CHODL: variants seen among roughly 807,000 people sequenced by gnomAD.
The protein encoded by CHODL is chondrolectin.
In CHODL, 29 loss-of-function variants were observed where a neutral mutation model predicts 34.5. That is an observed-to-expected ratio of 0.84 (90% CI 0.63 to 1.15). The LOEUF (loss-of-function observed/expected upper bound fraction) is 1.15, where lower values mean the gene tolerates loss of function less well. Among genes scored for constraint, CHODL ranks in the 50% most tolerant of loss-of-function variants. The pLI is 0.00. For synonymous variants in CHODL, 125 were observed against 116.1 expected (o/e 1.08, Z -0.49); for missense variants, 332 against 332.5 (o/e 1.00, Z 0.01).
intron 1 of CHODL, among the ~76,000 whole-genome samples, chr21:18,027,130 T>C (rs1243075684): frequency 1.3e-5 from 2 of 150,728 alleles, no homozygotes; most frequent in Non-Finnish European, 2.9e-5. Context: ...AAAAATTAGC[T>C]GAGTGTGGTG....
At chr21:18,026,358 C>T (rs564320153) in intron 1 of CHODL, among the ~76,000 whole-genome samples, 1 of 152,118 alleles carries the variant, frequency 6.6e-6, no homozygotes, top group African/African-American at 2.4e-5. Flanking sequence ...GAAATAAGTA[C>T]CAAATAAAAT....
chr21:18,116,096 G>C (rs1036296928), intron 2 of CHODL, among the ~76,000 whole-genome samples: 8 of 151,672 alleles, frequency 5.3e-5, no homozygotes, highest in Non-Finnish European at 1.2e-4. Context: ...GTGTTATTTA[G>C]GGGTACATGC....
chr21:18,137,617 T>A (rs2072749334), intron 2 of CHODL, among the ~76,000 whole-genome samples: 1 of 152,206 alleles, frequency 6.6e-6, no homozygotes, highest in Admixed American at 6.5e-5. Flanking sequence ...TTTGAGAAGC[T>A]AAAATATTCA....
intron 1 of CHODL, among the ~76,000 whole-genome samples, chr21:17,956,993 A>G (rs197540): frequency 0.43 from 65,362 of 151,690 alleles, 14,702 homozygotes; most frequent in East Asian, 0.65. Flanking sequence ...GTCCTCTCCA[A>G]TGTGGGTGGG....
intron 1 of CHODL, among the ~76,000 whole-genome samples, chr21:17,988,843 A>C (rs1037115201): frequency 6.6e-6 from 1 of 151,960 alleles, no homozygotes; most frequent in Admixed American, 6.6e-5. Context: ...ATTGTGAATA[A>C]TGCCGCAATA....
intron 2 of CHODL, among the ~76,000 whole-genome samples, chr21:18,237,594 C>T (rs550686934): frequency 6.8e-4 from 104 of 152,182 alleles, no homozygotes; most frequent in African/African-American, 2.4e-3. Flanking sequence ...ATTATACATC[C>T]CTCTTCTCTC....
chr21:18,174,307 A>G (rs1377400731), intron 2 of CHODL, among the ~76,000 whole-genome samples: 1 of 151,392 alleles, frequency 6.6e-6, no homozygotes, highest in Non-Finnish European at 1.5e-5. Context: ...TAGCACACAA[A>G]ATAATTTTTT....
At chr21:18,051,996 G>C (rs1326187280) in intron 2 of CHODL, among the ~76,000 whole-genome samples, 1 of 151,882 alleles carries the variant, frequency 6.6e-6, no homozygotes, top group East Asian at 1.9e-4. Flanking sequence ...AATTGAGTAT[G>C]ATTTTAAAGG....
chr21:18,019,847 C>G (rs979331845), intron 1 of CHODL, among the ~76,000 whole-genome samples: 3 of 152,082 alleles, frequency 2.0e-5, no homozygotes, highest in Non-Finnish European at 4.4e-5. Context: ...TGGACCTACC[C>G]ATTCTTGATC....
chr21:17,977,097 G>A (rs1304216978), intron 1 of CHODL, among the ~76,000 whole-genome samples: 1 of 152,124 alleles, frequency 6.6e-6, no homozygotes, highest in African/African-American at 2.4e-5. Flanking sequence ...CATTTCCTAC[G>A]TGCTTTTATA....
intron 2 of CHODL, among the ~76,000 whole-genome samples, chr21:18,071,953 C>A (rs1195134872): frequency 6.6e-6 from 1 of 151,960 alleles, no homozygotes; most frequent in African/African-American, 2.4e-5. Flanking sequence ...AAATAAAGTT[C>A]TTTCAGTTCT....
At chr21:18,084,861 G>C (rs2064984620) in intron 2 of CHODL, among the ~76,000 whole-genome samples, 1 of 151,754 alleles carries the variant, frequency 6.6e-6, no homozygotes, top group African/African-American at 2.4e-5. Flanking sequence ...TGCTATGAGA[G>C]AGGTGTTAAA....
At chr21:18,159,882 G>C (rs1483192417) in intron 2 of CHODL, among the ~76,000 whole-genome samples, 3 of 152,116 alleles carry the variant, frequency 2.0e-5, no homozygotes, top group Non-Finnish European at 2.9e-5. Flanking sequence ...AAGGACTGTG[G>C]GCAGCCTCTA....
Position 18,266,087 on chromosome 21 carries a change from G to A in CHODL, c.*49G>A. ...ATTTTGTAATTCTGGATCTGTATAAGGAATGGCATCAGAACAATAGCTTGG... is the reference window on the plus strand; with the variant it reads ...ATTTTGTAATTCTGGATCTGTATAAAGAATGGCATCAGAACAATAGCTTGG... On this transcript the variant is annotated 3_prime_UTR_variant, in exon 6 of 6. Transcript: ENST00000299295. 6.2e-7 allele frequency: 1 copy of A among 1,613,468 alleles called. No homozygotes were observed. Among genetic ancestry groups the A allele is most frequent in the South Asian group, 1.1e-5 (1 of 90,994 alleles).
intron 1 of CHODL, among the ~76,000 whole-genome samples, chr21:17,959,733 G>C (rs1304646025): frequency 6.6e-6 from 1 of 152,068 alleles, no homozygotes; most frequent in Non-Finnish European, 1.5e-5. Flanking sequence ...TTGTAATTTA[G>C]AGAAAGTAGG....
intron 2 of CHODL, among the ~76,000 whole-genome samples, chr21:18,166,497 G>T (rs894138325): frequency 3.3e-5 from 5 of 152,244 alleles, no homozygotes; most frequent in African/African-American, 1.2e-4. Context: ...TGAACATTAG[G>T]AAGTAGAAAT....
rs139845443 is a variant in CHODL, at chr21:17,966,391, T to C, written c.-145+48991T>C. 2.5e-3 allele frequency among the ~76,000 whole-genome samples: 383 copies of C among 152,312 alleles called. 4 individuals carry two copies. The highest frequency in any genetic ancestry group is 9.0e-3 in the African/African-American group (374 of 41,582). On this transcript the variant is annotated intron_variant, in intron 1 of 6. Transcript: ENST00000400127. Reference sequence around the variant, plus strand: ...TAAGAAAACAGAAATTGAAGGGGCATGCAAGAAATGGGTTGTGAAAGATAG... The same window carrying C: ...TAAGAAAACAGAAATTGAAGGGGCACGCAAGAAATGGGTTGTGAAAGATAG...
intron 2 of CHODL, among the ~76,000 whole-genome samples, chr21:18,150,238 T>G (rs929109222): frequency 6.6e-6 from 1 of 152,150 alleles, no homozygotes. Context: ...ATAGGAAGCC[T>G]TCAGGTAGCA....
In CHODL at chr21:18,251,387, TG is replaced by T. The variant is rs199791567; in HGVS notation, c.80-5121del. Among the ~76,000 whole-genome samples, 237 of 87,298 alleles carry T rather than the reference TG, an allele frequency of 2.7e-3. 13 individuals carry two copies. The highest frequency in any genetic ancestry group is 0.013 in the African/African-American group (222 of 16,584). 57.3% of individuals were successfully genotyped at this position (87,298 alleles called of 152,430 possible). ...TTATATAAAATAAATGTATTTTATTTGTTTTAATATATAAAATATGTATTTT... is the reference window on the plus strand; with the variant it reads ...TTATATAAAATAAATGTATTTTATTTTTTTAATATATAAAATATGTATTTT... On this transcript the variant is annotated intron_variant, in intron 1 of 5. Coordinates refer to ENST00000299295, the MANE Select transcript of CHODL (RefSeq NM_024944.3).
Sources: allele counts gnomAD v4.1 joint callset (sites outside exome capture counted in the v4.1 genomes callset), GRCh38; gene constraint gnomAD v4.1.1; transcripts MANE v1.5; gene names NCBI Gene and HGNC (gene_info 2026-07-23, HGNC 2026-07-21).